Variants in ANO10 observed in about 807,000 individuals in gnomAD.
ANO10 encodes the protein anoctamin 10, also known as anoctamin-10.
In ANO10, 77 loss-of-function variants were observed where a neutral mutation model predicts 74.7. The ratio of observed to expected loss-of-function variants is 1.03; its 90% CI spans 0.86 to 1.25. ANO10 has a LOEUF of 1.25. Among genes scored for constraint, ANO10 ranks in the 50% most tolerant of loss-of-function variants. The pLI, the probability that ANO10 is intolerant of heterozygous loss-of-function variation, is 0.00. For missense variants in ANO10, 721 were observed against 778.1 expected (o/e 0.93, Z 0.87); for synonymous variants, 279 against 284.9 (o/e 0.98, Z 0.21).
intron 9 of ANO10, among the ~76,000 whole-genome samples, chr3:43,560,372 T>C (rs2079969828): frequency 6.6e-6 from 1 of 152,162 alleles, no homozygotes; most frequent in Non-Finnish European, 1.5e-5. Context: ...CTACTCAACA[T>C]GAACATACAA....
At chr3:43,524,559 T>C (rs2078107316) in intron 11 of ANO10, among the ~76,000 whole-genome samples, 1 of 152,060 alleles carries the variant, frequency 6.6e-6, no homozygotes, top group Non-Finnish European at 1.5e-5. Flanking sequence ...TGTTGCACAG[T>C]TGGGGCAGGT....
chr3:43,619,511 T>C (rs556332629), intron 1 of ANO10, among the ~76,000 whole-genome samples: 2 of 152,216 alleles, frequency 1.3e-5, no homozygotes, highest in East Asian at 1.9e-4. Flanking sequence ...TTGCAACTTT[T>C]TGTAAATCTA....
chr3:43,632,406 T>C (rs750517841), intron 1 of ANO10, among the ~76,000 whole-genome samples: 2 of 152,244 alleles, frequency 1.3e-5, no homozygotes, highest in South Asian at 2.1e-4. Flanking sequence ...AAGCTGGCCA[T>C]GTCCCTCAGT....
intron 1 of ANO10, among the ~76,000 whole-genome samples, chr3:43,686,893 A>G (rs1303298165): frequency 6.6e-6 from 1 of 152,160 alleles, no homozygotes; most frequent in African/African-American, 2.4e-5. Context: ...CTAGTTAGAA[A>G]TAGAGATCTC....
At chr3:43,485,117 A>T in intron 11 of ANO10, 1 of 943,332 alleles carries the variant, frequency 1.1e-6, no homozygotes, top group Non-Finnish European at 1.7e-6. Context: ...GATCACCTCC[A>T]CCTTCATCTG....
At chr3:43,660,000 G>C (rs1575583136) in intron 1 of ANO10, among the ~76,000 whole-genome samples, 3 of 152,316 alleles carry the variant, frequency 2.0e-5, no homozygotes, top group South Asian at 4.1e-4. Context: ...CTGCGGCTGA[G>C]GGGCCTGTCT....
chr3:43,444,308 T>C (rs910742988), intron 11 of ANO10, among the ~76,000 whole-genome samples: 2 of 152,218 alleles, frequency 1.3e-5, no homozygotes, highest in East Asian at 3.9e-4. Flanking sequence ...TTTCCTCTCA[T>C]TCAGAGCCAC....
At chr3:43,506,276 A>G (rs1268608527) in intron 11 of ANO10, among the ~76,000 whole-genome samples, 1 of 151,934 alleles carries the variant, frequency 6.6e-6, no homozygotes, top group East Asian at 1.9e-4. Flanking sequence ...CTCACCTCCA[A>G]CGTATTATCA....
At chr3:43,538,064 T>C (rs926945112) in intron 11 of ANO10, among the ~76,000 whole-genome samples, 25 of 152,198 alleles carry the variant, frequency 1.6e-4, no homozygotes, top group African/African-American at 5.8e-4. Context: ...TTTATACCAT[T>C]TCACCAAACC....
At chr3:43,440,305 A>G (rs965375166) in intron 11 of ANO10, among the ~76,000 whole-genome samples, 1 of 152,198 alleles carries the variant, frequency 6.6e-6, no homozygotes, top group African/African-American at 2.4e-5. Flanking sequence ...AATTACCTGC[A>G]GATGTAAAGA....
intron 11 of ANO10, among the ~76,000 whole-genome samples, chr3:43,442,341 T>C (rs1303328371): frequency 3.3e-5 from 5 of 151,938 alleles, no homozygotes; most frequent in Admixed American, 2.6e-4. Flanking sequence ...AATTGTAGAA[T>C]ACAAAATCAA....
intron 5 of ANO10, among the ~76,000 whole-genome samples, chr3:43,579,060 A>C (rs1300811106): frequency 6.6e-6 from 1 of 152,160 alleles, no homozygotes. Context: ...TTAGGATACC[A>C]TTAAACAAAA....
At chr3:43,438,601 G>T (rs966057780) in intron 11 of ANO10, among the ~76,000 whole-genome samples, 1 of 152,072 alleles carries the variant, frequency 6.6e-6, no homozygotes, top group African/African-American at 2.4e-5. Flanking sequence ...AAAAAATTTA[G>T]CTGGGCGTGG....
intron 11 of ANO10, 43 bp downstream of exon 11, chr3:43,549,677 G>A (rs746331653): frequency 3.7e-6 from 6 of 1,608,438 alleles, no homozygotes; most frequent in African/African-American, 1.3e-5. Context: ...ATAGAGAAAC[G>A]TAATATGGAT....
chr3:43,414,967 C>CTTTTTTTTTTT (rs60554785), intron 12 of ANO10, among the ~76,000 whole-genome samples: 4 of 66,600 alleles, frequency 6.0e-5, no homozygotes, highest in Non-Finnish European at 1.1e-4. Context: ...TGTCATTGTG[C>CTTTTTTTTTTT]TTTTTTTTTT....
chr3:43,623,289 T>A, upstream of ANO10, among the ~76,000 whole-genome samples: 1 of 152,386 alleles, frequency 6.6e-6, no homozygotes, highest in East Asian at 1.9e-4. Context: ...TCTATTTTTA[T>A]AATTGTTCTA....
chr3:43,590,544 T>A (rs1326934684), intron 4 of ANO10, among the ~76,000 whole-genome samples: 1 of 151,932 alleles, frequency 6.6e-6, no homozygotes, highest in East Asian at 1.9e-4. Flanking sequence ...TTGCCAAAAA[T>A]TTTTCCAGTT....
intron 11 of ANO10, among the ~76,000 whole-genome samples, chr3:43,438,160 A>G (rs1188948832): frequency 6.6e-6 from 1 of 152,198 alleles, no homozygotes; most frequent in African/African-American, 2.4e-5. Context: ...ACACCTAGGT[A>G]TGATGGCTCA....
chr3:43,407,057 C>T (rs1278414719), intron 12 of ANO10, among the ~76,000 whole-genome samples: 2 of 152,086 alleles, frequency 1.3e-5, no homozygotes, highest in African/African-American at 2.4e-5. Context: ...GCATGTGCCA[C>T]CACACCCGGC....
Sources: allele counts gnomAD v4.1 joint callset (sites outside exome capture counted in the v4.1 genomes callset), GRCh38; gene constraint gnomAD v4.1.1; transcripts MANE v1.5; gene names NCBI Gene and HGNC (gene_info 2026-07-23, HGNC 2026-07-21).